PIK3R6: variants seen among roughly 807,000 people sequenced by gnomAD.
The protein encoded by PIK3R6 is phosphoinositide 3-kinase regulatory subunit 6.
A neutral mutation model predicts 84.9 loss-of-function variants in PIK3R6; 91 were observed. That is an observed-to-expected ratio of 1.07 (90% CI 0.90 to 1.28). The LOEUF is 1.28. Ranked by LOEUF, PIK3R6 falls within the 50% of genes most tolerant of loss-of-function variation. PIK3R6 has a pLI of 0.00. For synonymous variants in PIK3R6, 416 were observed against 411.4 expected (o/e 1.01, Z -0.13); for missense variants, 996 against 985.1 (o/e 1.01, Z -0.15).
intron 1 of PIK3R6, among the ~76,000 whole-genome samples, chr17:8,864,321 G>A (rs7220728): frequency 0.027 from 4,153 of 151,944 alleles, 256 homozygotes; most frequent in African/African-American, 0.095. Context: ...TCCTTGCGGC[G>A]CCCCTAGGAC....
chr17:8,852,722 G>A (rs1309135591), intron 1 of PIK3R6, among the ~76,000 whole-genome samples: 2 of 148,088 alleles, frequency 1.4e-5, no homozygotes, highest in East Asian at 1.9e-4. Context: ...CTGGGTGACA[G>A]AGGGAGACTC....
chr17:8,826,130 C>G (rs1391089093), intron 13 of PIK3R6, among the ~76,000 whole-genome samples: 1 of 152,174 alleles, frequency 6.6e-6, no homozygotes, highest in African/African-American at 2.4e-5. Context: ...CTCAGCTGCT[C>G]TATCTGTAAA....
chr17:8,857,325 A>C (rs1217518821), intron 1 of PIK3R6, among the ~76,000 whole-genome samples: 1 of 152,178 alleles, frequency 6.6e-6, no homozygotes, highest in Non-Finnish European at 1.5e-5. Flanking sequence ...AAAGTGAAGA[A>C]TATTGCCAAA....
chr17:8,814,215 C>CTT (rs112750429), intron 18 of PIK3R6, among the ~76,000 whole-genome samples: 79 of 85,518 alleles, frequency 9.2e-4, no homozygotes, highest in Middle Eastern at 7.4e-3. Context: ...AGAGAGAGAT[C>CTT]TTTTTTTTTT....
chr17:8,805,659 T>A (rs1004967329), intron 18 of PIK3R6, among the ~76,000 whole-genome samples: 2 of 151,980 alleles, frequency 1.3e-5, no homozygotes, highest in African/African-American at 4.8e-5. Flanking sequence ...CTCATGCCTA[T>A]AATCGTAGCA....
intron 18 of PIK3R6, among the ~76,000 whole-genome samples, chr17:8,809,627 T>C (rs2087297564): frequency 6.6e-6 from 1 of 152,092 alleles, no homozygotes; most frequent in Admixed American, 6.5e-5. Flanking sequence ...AAACCTCTTC[T>C]CTACAAAAAA....
chr17:8,841,510 C>T (rs981492474), intron 2 of PIK3R6, among the ~76,000 whole-genome samples: 3 of 152,232 alleles, frequency 2.0e-5, no homozygotes, highest in Admixed American at 2.0e-4. Context: ...CCCTTGATGT[C>T]TCCTCTTAGG....
chr17:8,851,154 C>T (rs1186661779), intron 1 of PIK3R6, among the ~76,000 whole-genome samples: 1 of 151,722 alleles, frequency 6.6e-6, no homozygotes, highest in Non-Finnish European at 1.5e-5. Context: ...CACTTCACAC[C>T]CATTGGAATG....
rs139114458 is a variant in PIK3R6, at chr17:8,835,109, G to T, written c.645+164C>A. 6.5e-3 allele frequency among the ~76,000 whole-genome samples: 990 copies of T among 152,272 alleles called. 4 individuals carry two copies. Among genetic ancestry groups the T allele is most frequent in the African/African-American group, 0.022 (930 of 41,558 alleles). ...CGCCTCAGCCTCCCAAAGTGCTGGGGTTATAGGTGTGAGCCACTGCGCCCA... is the reference window on the plus strand; with the variant it reads ...CGCCTCAGCCTCCCAAAGTGCTGGGTTTATAGGTGTGAGCCACTGCGCCCA... On this transcript the variant is annotated intron_variant, in intron 8 of 19. Transcript: ENST00000619866.
At chr17:8,860,628 A>G (rs2089257522) in intron 1 of PIK3R6, among the ~76,000 whole-genome samples, 1 of 152,178 alleles carries the variant, frequency 6.6e-6, no homozygotes, top group Non-Finnish European at 1.5e-5. Flanking sequence ...TGTGGCCAAC[A>G]TTTAAAAGTC....
At chr17:8,847,265 G>T (rs1052468951) in intron 2 of PIK3R6, among the ~76,000 whole-genome samples, 1 of 152,016 alleles carries the variant, frequency 6.6e-6, no homozygotes, top group Non-Finnish European at 1.5e-5. Context: ...GTACCCAGAT[G>T]CACCTCCTCC....
At chr17:8,829,620 A>T (rs547554640) in intron 10 of PIK3R6, 86 bp downstream of exon 10, 166 of 1,340,732 alleles carry the variant, frequency 1.2e-4, no homozygotes, top group Middle Eastern at 3.6e-4. Context: ...TGACACACGC[A>T]TGCACACTGA....
intron 18 of PIK3R6, among the ~76,000 whole-genome samples, chr17:8,818,002 A>G (rs1253601995): frequency 6.6e-6 from 1 of 152,040 alleles, no homozygotes; most frequent in African/African-American, 2.4e-5. Context: ...GAAGAGGTCA[A>G]AGCTGGGGAA....
At chr17:8,815,801 AG>A (rs1283486903) in intron 18 of PIK3R6, among the ~76,000 whole-genome samples, 1 of 152,244 alleles carries the variant, frequency 6.6e-6, no homozygotes, top group Non-Finnish European at 1.5e-5. Flanking sequence ...GGAAGACCAC[AG>A]AAAAAAGCCC....
rs1251106063 is a variant in PIK3R6 at position 8,837,854 on chromosome 17, G to C, written c.207C>G (p.Leu69=). ...GCAGCAAGGGAATGATGACATGCCG[G>C]AGGTCCTGGCTTTCCGCCTGGAAAA... The part of the protein sequence containing the change: ...RELEKAESQD[L]RHVIIPLLHT... Residue 69 remains leucine, a synonymous_variant, in exon 5 of 20, where the codon CTC becomes CTG. Transcript: ENST00000619866. The C allele has an allele frequency of 6.8e-6, 11 of 1,613,850 alleles. No individual in the cohort carries two copies. Among genetic ancestry groups the C allele is most frequent in the East Asian group, 6.7e-5 (3 of 44,900 alleles).
chr17:8,808,700 T>C (rs1205975942), intron 18 of PIK3R6, among the ~76,000 whole-genome samples: 1 of 152,154 alleles, frequency 6.6e-6, no homozygotes, highest in African/African-American at 2.4e-5. Context: ...TTGGGAGGAC[T>C]TAACAAATGG....
intron 4 of PIK3R6, 147 bp downstream of exon 4, chr17:8,838,417 A>G: frequency 1.6e-6 from 1 of 626,656 alleles, no homozygotes; most frequent in East Asian, 2.9e-5. Flanking sequence ...CTGCTTACGT[A>G]AAAGTACAGG....
intron 18 of PIK3R6, 54 bp downstream of exon 18, chr17:8,819,029 A>G (rs2087631704): frequency 1.5e-6 from 2 of 1,376,346 alleles, no homozygotes; most frequent in East Asian, 5.1e-5. Context: ...GCTCCCAGCC[A>G]CCTACTGCTG....
intron 18 of PIK3R6, among the ~76,000 whole-genome samples, chr17:8,817,606 C>T (rs1005232017): frequency 6.6e-6 from 1 of 152,078 alleles, no homozygotes. Context: ...TGCGCCACTG[C>T]ACTCCAGCCT....
Sources: gnomAD v4.1 joint callset for allele counts (sites outside exome capture counted in the v4.1 genomes callset) on GRCh38, gnomAD v4.1.1 for gene constraint, MANE v1.5 for transcripts, NCBI Gene and HGNC (gene_info 2026-07-23, HGNC 2026-07-21) for gene names.